Variants in RASA2 observed in about 807,000 individuals in gnomAD.
RASA2 encodes ras GTPase-activating protein 2.
A neutral mutation model predicts 118.2 loss-of-function variants in RASA2; 155 were observed. The ratio of observed to expected loss-of-function variants is 1.31; its 90% CI spans 1.15 to 1.50. The LOEUF (loss-of-function observed/expected upper bound fraction) is 1.50. Ranked by LOEUF, RASA2 falls within the 40% of genes most tolerant of loss-of-function variation. The pLI, the probability that RASA2 is intolerant of heterozygous loss-of-function variation, is 0.00. For synonymous variants in RASA2, 353 were observed against 349.1 expected, an observed-to-expected ratio of 1.01 and a Z score of -0.12; for missense variants, 1,016 against 1,009.6, an observed-to-expected ratio of 1.01 and a Z score of -0.09.
chr3:141,555,424 G>C (rs2082634590), intron 6 of RASA2, among the ~76,000 whole-genome samples: 1 of 152,082 alleles, frequency 6.6e-6, no homozygotes, highest in Admixed American at 6.6e-5. Flanking sequence ...TTTTTAAGAA[G>C]TCTCTATTAT....
intron 1 of RASA2, among the ~76,000 whole-genome samples, chr3:141,506,557 A>G (rs1307971672): frequency 6.6e-6 from 1 of 152,208 alleles, no homozygotes; most frequent in Admixed American, 6.5e-5. Context: ...TGATTTGTGA[A>G]TTTAAGGATA....
intron 9 of RASA2, among the ~76,000 whole-genome samples, chr3:141,562,681 CT>C (rs201152518): frequency 3.1e-4 from 45 of 144,776 alleles, no homozygotes; most frequent in Non-Finnish European, 2.9e-4. Flanking sequence ...TAACGTTAAA[CT>C]TTTTTTTTTT....
In RASA2 at chr3:141,586,115, A is replaced by G. The variant is rs762251474; in HGVS notation, c.1826+17A>G. The G allele has an allele frequency of 1.9e-6, 3 of 1,567,894 alleles. No homozygotes were observed. In the Admixed American group the frequency reaches 5.0e-5, roughly 26 times the overall value. On this transcript the variant is annotated intron_variant, in intron 18 of 23. Coordinates refer to ENST00000286364, the MANE Select transcript of RASA2 (RefSeq NM_006506.5). ...GAAAGAAGGGTAATTTAATCAAATTAGACGTGAAAGTCATATATCAGTATA... is the reference window on the plus strand; with the variant it reads ...GAAAGAAGGGTAATTTAATCAAATTGGACGTGAAAGTCATATATCAGTATA...
At chr3:141,595,744 T>A (rs1447824455) in intron 19 of RASA2, among the ~76,000 whole-genome samples, 1 of 152,164 alleles carries the variant, frequency 6.6e-6, no homozygotes, top group Non-Finnish European at 1.5e-5. Flanking sequence ...TCCTCCTGCC[T>A]CTGCCTTCTG....
At chr3:141,516,977 T>C (rs1313401360) in intron 3 of RASA2, among the ~76,000 whole-genome samples, 1 of 152,146 alleles carries the variant, frequency 6.6e-6, no homozygotes, top group Non-Finnish European at 1.5e-5. Flanking sequence ...TTTCACCATG[T>C]TGGCCAGGCT....
intron 1 of RASA2, among the ~76,000 whole-genome samples, chr3:141,502,508 A>C (rs962576081): frequency 3.9e-5 from 6 of 152,072 alleles, no homozygotes; most frequent in African/African-American, 1.4e-4. Flanking sequence ...AGTTTATACT[A>C]TTCACTGCCT....
intron 1 of RASA2, among the ~76,000 whole-genome samples, chr3:141,499,440 A>T (rs1209320881): frequency 6.6e-6 from 1 of 152,198 alleles, no homozygotes; most frequent in Non-Finnish European, 1.5e-5. Flanking sequence ...ACACACACGA[A>T]AAAACAGTTC....
chr3:141,507,778 C>A (rs2081890990), intron 1 of RASA2, among the ~76,000 whole-genome samples: 1 of 152,176 alleles, frequency 6.6e-6, no homozygotes, highest in Admixed American at 6.5e-5. Context: ...GTAAAACAAC[C>A]CAAACTCAAC....
In RASA2 at chr3:141,556,621, A is replaced by C. The variant is rs140890410; in HGVS notation, c.684+709A>C. ...ATTTGTTAAAGAAATCCTTTTTCATATTATTTGCAAACTACAGAAAAAAAA... is the reference window on the plus strand; with the variant it reads ...ATTTGTTAAAGAAATCCTTTTTCATCTTATTTGCAAACTACAGAAAAAAAA... On this transcript the variant is annotated intron_variant, in intron 7 of 23. Transcript: ENST00000286364. Among the ~76,000 whole-genome samples, 202 of 152,096 alleles carry C rather than the reference A, an allele frequency of 1.3e-3. 1 individual carries two copies. The highest frequency in any genetic ancestry group is 4.3e-3 in the African/African-American group (177 of 41,498).
chr3:141,502,882 G>A (rs1577645860), intron 1 of RASA2, among the ~76,000 whole-genome samples: 1 of 152,142 alleles, frequency 6.6e-6, no homozygotes, highest in Non-Finnish European at 1.5e-5. Flanking sequence ...CTTTGAAGCA[G>A]ACCTGGACCT....
At chr3:141,602,561 A>G (rs1257076712) in intron 19 of RASA2, among the ~76,000 whole-genome samples, 1 of 152,188 alleles carries the variant, frequency 6.6e-6, no homozygotes, top group Non-Finnish European at 1.5e-5. Flanking sequence ...TCTTTTAGAT[A>G]GTACACTGTA....
At chr3:141,497,275 A>G (rs2081716579) in intron 1 of RASA2, among the ~76,000 whole-genome samples, 1 of 151,882 alleles carries the variant, frequency 6.6e-6, no homozygotes, top group Admixed American at 6.6e-5. Flanking sequence ...TACATATGTA[A>G]CAAACCTGCA....
chr3:141,505,736 G>A (rs2081855487), intron 1 of RASA2, among the ~76,000 whole-genome samples: 1 of 151,846 alleles, frequency 6.6e-6, no homozygotes, highest in Non-Finnish European at 1.5e-5. Context: ...CTAAGCAAGG[G>A]ATGTTTTATT....
Position 141,508,044 on chromosome 3 carries a change from A to G in RASA2, c.134-4119A>G, listed in dbSNP as rs1359145920. ...AAACGGGCTATAGATAAGTTGAGAAAGTTTATAAATAATACCGTCAAACAA... is the reference window on the plus strand; with the variant it reads ...AAACGGGCTATAGATAAGTTGAGAAGGTTTATAAATAATACCGTCAAACAA... On this transcript the variant is annotated intron_variant, in intron 1 of 23. Coordinates refer to ENST00000286364, the MANE Select transcript of RASA2 (RefSeq NM_006506.5). 2.0e-5 allele frequency among the ~76,000 whole-genome samples: 3 copies of G among 152,292 alleles called. No individual in the cohort carries two copies. The South Asian group carries it at 6.2e-4, about 32-fold the overall frequency.
chr3:141,491,281 C>G (rs929509158), intron 1 of RASA2, among the ~76,000 whole-genome samples: 1 of 152,162 alleles, frequency 6.6e-6, no homozygotes, highest in Non-Finnish European at 1.5e-5. Context: ...CCCTCAAAAG[C>G]CTGCTCTATG....
chr3:141,513,814 A>T (rs1436800055), intron 2 of RASA2, among the ~76,000 whole-genome samples: 1 of 152,228 alleles, frequency 6.6e-6, no homozygotes, highest in African/African-American at 2.4e-5. Context: ...TCATAAAGAT[A>T]CTGCATTTCA....
intron 9 of RASA2, among the ~76,000 whole-genome samples, chr3:141,569,662 G>T (rs976131109): frequency 6.6e-6 from 1 of 152,064 alleles, no homozygotes; most frequent in African/African-American, 2.4e-5. Context: ...TTTAGATTCA[G>T]GGGTATAGGT....
At chr3:141,599,244 T>G (rs563239368) in intron 19 of RASA2, among the ~76,000 whole-genome samples, 2 of 149,034 alleles carry the variant, frequency 1.3e-5, no homozygotes, top group African/African-American at 4.9e-5. Flanking sequence ...TTTTTGGGTT[T>G]TTTTTTTTTT....
At chr3:141,571,217 T>A in intron 10 of RASA2, 149 bp downstream of exon 10, 1 of 1,190,954 alleles carries the variant, frequency 8.4e-7, no homozygotes, top group Non-Finnish European at 1.2e-6. Flanking sequence ...CATTTCTATT[T>A]ATCTGAACCA....
Sources: gnomAD v4.1 joint callset for allele counts (sites outside exome capture counted in the v4.1 genomes callset) on GRCh38, gnomAD v4.1.1 for gene constraint, MANE v1.5 for transcripts, NCBI Gene and HGNC (gene_info 2026-07-23, HGNC 2026-07-21) for gene names.